The following COPG2 variants were observed in gnomAD, a reference collection of about 807,000 sequenced individuals.
COPG2 encodes coatomer subunit gamma-2.
A neutral mutation model predicts 46.3 loss-of-function variants in COPG2; 37 were observed. That is an observed-to-expected ratio of 0.80 (90% CI 0.61 to 1.05). The LOEUF (loss-of-function observed/expected upper bound fraction) is 1.05, where lower values mean the gene tolerates loss of function less well. Ranked by LOEUF, COPG2 falls within the 50% of genes least tolerant of loss-of-function variation. The pLI, the probability that COPG2 is intolerant of heterozygous loss-of-function variation, is 0.00. For synonymous variants in COPG2, 159 were observed against 129.7 expected (o/e 1.23, Z -1.53); for missense variants, 427 against 387.8 (o/e 1.10, Z -0.85).
chr7:130,549,141 A>G (rs1276579836), intron 18 of COPG2, among the ~76,000 whole-genome samples, 173 bp downstream of exon 18: 1 of 152,216 alleles, frequency 6.6e-6, no homozygotes, highest in Non-Finnish European at 1.5e-5. Flanking sequence ...TAGCAATTAC[A>G]AACTGGAAAG....
At chr7:130,606,234 AAAAG>A (rs1200315034) in intron 9 of COPG2, among the ~76,000 whole-genome samples, 17 of 145,456 alleles carry the variant, frequency 1.2e-4, no homozygotes, top group African/African-American at 4.1e-4. Context: ...ATAAATAAAA[AAAAG>A]AAAGAGAGAG....
chr7:130,610,089 T>C (rs1554451809), intron 9 of COPG2: 1 of 519,672 alleles, frequency 1.9e-6, no homozygotes, highest in Non-Finnish European at 3.9e-6. Flanking sequence ...TTTTTCCCTC[T>C]TGTTTATGGG....
chr7:130,517,366 G>A (rs1344317746), intron 20 of COPG2, among the ~76,000 whole-genome samples: 1 of 152,188 alleles, frequency 6.6e-6, no homozygotes, highest in African/African-American at 2.4e-5. Flanking sequence ...GGGCCCAAGT[G>A]GTCAAATTGG....
At chr7:130,667,457 G>A (rs1554461627) in intron 2 of COPG2, 25 bp downstream of exon 2, 4 of 1,603,794 alleles carry the variant, frequency 2.5e-6, no homozygotes, top group Non-Finnish European at 3.4e-6. Context: ...GAAAAGAAAG[G>A]GCACAAGATA....
chr7:130,642,900 G>A (rs959233242), intron 5 of COPG2, among the ~76,000 whole-genome samples: 7 of 152,126 alleles, frequency 4.6e-5, no homozygotes, highest in African/African-American at 1.4e-4. Context: ...GCACACAGCT[G>A]TAATCCCAGC....
At chr7:130,596,278 G>A (rs1171747751) in intron 9 of COPG2, among the ~76,000 whole-genome samples, 1 of 152,134 alleles carries the variant, frequency 6.6e-6, no homozygotes, top group Non-Finnish European at 1.5e-5. Context: ...CTGCTTTTGT[G>A]GTTTTCTCTT....
At chr7:130,638,284 C>G (rs1554456673) in intron 5 of COPG2, among the ~76,000 whole-genome samples, 9 of 152,266 alleles carry the variant, frequency 5.9e-5, no homozygotes, top group African/African-American at 2.2e-4. Context: ...TCTTCAGAGC[C>G]AGCAGGCAGG....
At chr7:130,575,738 C>A (rs565346261) in intron 9 of COPG2, among the ~76,000 whole-genome samples, 10 of 152,308 alleles carry the variant, frequency 6.6e-5, no homozygotes, top group African/African-American at 2.4e-4. Flanking sequence ...TCAATACTAA[C>A]ACTGAGTGTA....
chr7:130,653,199 A>T (rs1457011436), intron 4 of COPG2, among the ~76,000 whole-genome samples: 2 of 152,198 alleles, frequency 1.3e-5, no homozygotes, highest in Non-Finnish European at 2.9e-5. Context: ...TTCTACTGAG[A>T]GATACAAACT....
intron 9 of COPG2, among the ~76,000 whole-genome samples, chr7:130,596,815 C>T (rs1794536723): frequency 6.6e-6 from 1 of 152,200 alleles, no homozygotes. Context: ...GGAACTAGTC[C>T]CTCCGAAGAG....
chr7:130,610,889 T>A, intron 9 of COPG2, 64 bp downstream of exon 9: 1 of 1,544,504 alleles, frequency 6.5e-7, no homozygotes, highest in Non-Finnish European at 8.9e-7. Context: ...AAAAAGGAAA[T>A]AAACTCTAAG....
intron 20 of COPG2, among the ~76,000 whole-genome samples, chr7:130,530,739 G>C (rs1406300791): frequency 1.3e-5 from 2 of 152,032 alleles, no homozygotes; most frequent in African/African-American, 4.8e-5. Context: ...ATGAGGCAGT[G>C]CAACAGGGGA....
At chr7:130,513,210 C>A (rs149722945) in intron 20 of COPG2, among the ~76,000 whole-genome samples, 6 of 145,532 alleles carry the variant, frequency 4.1e-5, no homozygotes, top group African/African-American at 1.5e-4. Flanking sequence ...CACTTGAGCC[C>A]GGGAGGTGGA....
intron 9 of COPG2, among the ~76,000 whole-genome samples, chr7:130,566,998 A>AC: frequency 6.6e-6 from 1 of 152,190 alleles, no homozygotes; most frequent in Admixed American, 6.5e-5. Context: ...CAACCTAGAT[A>AC]CCCAACAACA....
chr7:130,531,043 C>T (rs1317626730), intron 20 of COPG2, among the ~76,000 whole-genome samples: 1 of 60,992 alleles, frequency 1.6e-5, no homozygotes, highest in Non-Finnish European at 3.3e-5. Flanking sequence ...ACTACGGATC[C>T]GGTGGGGAAG....
intron 1 of COPG2, 45 bp downstream of exon 1, chr7:130,668,587 G>A: frequency 6.7e-7 from 1 of 1,485,498 alleles, no homozygotes; most frequent in African/African-American, 1.5e-5. Context: ...GCGGGGGAAG[G>A]GGCGTCCCGC....
chr7:130,611,072 ATTCT>A lies in COPG2; in HGVS notation c.614_617del (p.Lys205MetfsTer10). The stretch of plus-strand genomic sequence containing the variant: ...ACATCTTGGAAACAGCAAGTCGATC[ATTCT>A]TTCTAAGGTGATACAGGACTCCCAA... On this transcript the variant is annotated frameshift_variant, in exon 9 of 24. Transcript: ENST00000425248. LOFTEE classifies it high-confidence loss of function. 1 of 1,613,862 alleles carries A rather than the reference ATTCT, an allele frequency of 6.2e-7. No individual in the cohort carries two copies. Among genetic ancestry groups the A allele is most frequent in the East Asian group, 2.2e-5 (1 of 44,870 alleles).
intron 3 of COPG2, among the ~76,000 whole-genome samples, chr7:130,663,566 G>C (rs2116267922): frequency 6.6e-6 from 1 of 152,112 alleles, no homozygotes; most frequent in African/African-American, 2.4e-5. Flanking sequence ...CTAGGCTTAA[G>C]GGGCTGCTAT....
intron 5 of COPG2, among the ~76,000 whole-genome samples, chr7:130,632,117 T>C (rs1194400196): frequency 1.3e-5 from 2 of 152,222 alleles, no homozygotes; most frequent in Non-Finnish European, 2.9e-5. Context: ...AAAAACTTCA[T>C]TTACTATAAT....
Sources: allele counts gnomAD v4.1 joint callset (sites outside exome capture counted in the v4.1 genomes callset), GRCh38; gene constraint gnomAD v4.1.1; transcripts MANE v1.5; gene names NCBI Gene and HGNC (gene_info 2026-07-23, HGNC 2026-07-21).